BRINP3: variants seen among roughly 807,000 people sequenced by gnomAD.
BRINP3 encodes BMP/retinoic acid inducible neural specific 3, also known as BMP/retinoic acid-inducible neural-specific protein 3.
A neutral mutation model predicts 71.0 loss-of-function variants in BRINP3; 19 were observed. The observed-to-expected ratio is 0.27, with a 90% CI of 0.19 to 0.39. The LOEUF (loss-of-function observed/expected upper bound fraction) is 0.39. BRINP3 is among the 10% of genes least tolerant of loss of function. The pLI, the probability that BRINP3 is intolerant of heterozygous loss-of-function variation, is 1.00. For missense variants in BRINP3, 959 were observed against 940.8 expected (o/e 1.02, Z -0.25); for synonymous variants, 380 against 337.7 (o/e 1.13, Z -1.37).
At chr1:190,448,463 TTGTGTGTGTGTG>T (rs67524700) in intron 2 of BRINP3, among the ~76,000 whole-genome samples, 6 of 125,062 alleles carry the variant, frequency 4.8e-5, no homozygotes, top group Non-Finnish European at 1.1e-4. Context: ...CACTTGGGGT[TTGTGTGTGTGTG>T]TGTGTGTGTG....
At chr1:190,273,031 C>A (rs1040343740) in intron 3 of BRINP3, among the ~76,000 whole-genome samples, 2 of 146,302 alleles carry the variant, frequency 1.4e-5, no homozygotes, top group African/African-American at 4.9e-5. Context: ...GAGAATAGGC[C>A]TTTCTTTCCT....
chr1:190,174,117 T>G (rs961938230), intron 6 of BRINP3, among the ~76,000 whole-genome samples: 1 of 152,190 alleles, frequency 6.6e-6, no homozygotes, highest in South Asian at 2.1e-4. Context: ...TAATCACTTT[T>G]CATGCTTGTA....
At position 190,117,255 on chromosome 1, in the gene BRINP3, C is replaced by T. The variant is rs77043088; in HGVS notation, c.1185-18121G>A. ...TATAAGAAGCTTGTGTCAGTATAAA[C>T]AGAAATGTGCACATAACAATACATA... On this transcript the variant is annotated intron_variant, in intron 7 of 7. Coordinates refer to ENST00000367462, the MANE Select transcript of BRINP3 (RefSeq NM_199051.3). Among the ~76,000 whole-genome samples, 261 of 152,032 alleles carry T rather than the reference C, an allele frequency of 1.7e-3. 9 individuals carry two copies. In the East Asian group the frequency reaches 0.048, roughly 28 times the overall value.
At chr1:190,254,762 A>C (rs1422429889) in intron 4 of BRINP3, among the ~76,000 whole-genome samples, 1 of 152,138 alleles carries the variant, frequency 6.6e-6, no homozygotes, top group Non-Finnish European at 1.5e-5. Flanking sequence ...GATACCATTT[A>C]TTTCTTTCTC....
rs150527335 is a variant in BRINP3, at chr1:190,334,384, T to A, written c.237-52634A>T. Among the ~76,000 whole-genome samples, 828 of 151,950 alleles carry A rather than the reference T, an allele frequency of 5.4e-3. 5 individuals carry two copies. Among genetic ancestry groups the A allele is most frequent in the African/African-American group, 0.018 (757 of 41,530 alleles). On this transcript the variant is annotated intron_variant, in intron 2 of 7. Transcript: ENST00000367462. ...TTTGCAAGTCTTGGCTAAATATGTG[T>A]GAATTTTTTTAAAATGGAAAAATCA...
intron 2 of BRINP3, among the ~76,000 whole-genome samples, chr1:190,350,072 G>A (rs936962559): frequency 1.3e-5 from 2 of 152,036 alleles, no homozygotes; most frequent in African/African-American, 4.8e-5. Flanking sequence ...AGAAAACCAG[G>A]AGGCTTCCAG....
At chr1:190,172,885 T>A (rs946694540) in intron 6 of BRINP3, among the ~76,000 whole-genome samples, 2 of 152,010 alleles carry the variant, frequency 1.3e-5, no homozygotes, top group African/African-American at 4.8e-5. Flanking sequence ...TCCAAATACC[T>A]CCCCAAGGTT....
At chr1:190,186,768 T>A (rs1165690089) in intron 6 of BRINP3, among the ~76,000 whole-genome samples, 1 of 152,110 alleles carries the variant, frequency 6.6e-6, no homozygotes, top group Non-Finnish European at 1.5e-5. Flanking sequence ...ATATAACTTC[T>A]CCAAATTCAG....
intron 2 of BRINP3, among the ~76,000 whole-genome samples, chr1:190,383,183 CTT>C (rs537926742): frequency 6.9e-4 from 105 of 152,050 alleles, no homozygotes; most frequent in Non-Finnish European, 1.2e-3. Context: ...AGTAATGCCT[CTT>C]GTTTTTAAAT....
chr1:190,339,403 TG>T (rs1558195324), intron 2 of BRINP3, among the ~76,000 whole-genome samples: 1 of 152,014 alleles, frequency 6.6e-6, no homozygotes, highest in Non-Finnish European at 1.5e-5. Context: ...CTACAGTATC[TG>T]TACAAGCTGC....
chr1:190,465,632 G>C (rs1009710937), intron 1 of BRINP3, among the ~76,000 whole-genome samples: 1 of 151,706 alleles, frequency 6.6e-6, no homozygotes, highest in Non-Finnish European at 1.5e-5. Context: ...TTTTCTCTTA[G>C]TAATTTTCCA....
intron 2 of BRINP3, among the ~76,000 whole-genome samples, chr1:190,320,487 G>A (rs894859342): frequency 3.3e-5 from 5 of 152,096 alleles, no homozygotes; most frequent in Non-Finnish European, 7.4e-5. Flanking sequence ...TATAATTATC[G>A]TATACTTCAT....
chr1:190,455,958 C>CT (rs1334650518), intron 1 of BRINP3, among the ~76,000 whole-genome samples: 1 of 152,122 alleles, frequency 6.6e-6, no homozygotes, highest in Non-Finnish European at 1.5e-5. Context: ...TCCTCATCAG[C>CT]TTTTCAAACT....
At chr1:190,240,872 CAAAAAAAAAA>C (rs71123078) in intron 4 of BRINP3, among the ~76,000 whole-genome samples, 1 of 38,256 alleles carries the variant, frequency 2.6e-5, no homozygotes, top group African/African-American at 1.1e-4. Flanking sequence ...AACTCTGTCT[CAAAAAAAAAA>C]AAAAAAAAAA....
At chr1:190,186,055 C>T (rs555399902) in intron 6 of BRINP3, among the ~76,000 whole-genome samples, 1 of 151,998 alleles carries the variant, frequency 6.6e-6, no homozygotes, top group African/African-American at 2.4e-5. Context: ...TGTTTGTCAA[C>T]TTGGTCATTT....
At chr1:190,320,922 CTGTG>C (rs1046723366) in intron 2 of BRINP3, among the ~76,000 whole-genome samples, 1 of 151,758 alleles carries the variant, frequency 6.6e-6, no homozygotes, top group Admixed American at 6.6e-5. Flanking sequence ...TGATGTCCTG[CTGTG>C]TGTGTGTTTG....
intron 4 of BRINP3, among the ~76,000 whole-genome samples, chr1:190,249,030 T>C (rs916199508): frequency 6.6e-6 from 1 of 151,954 alleles, no homozygotes; most frequent in African/African-American, 2.4e-5. Context: ...GTGGGATGCC[T>C]CAGAGTATGT....
intron 4 of BRINP3, among the ~76,000 whole-genome samples, chr1:190,248,269 T>A (rs972101281): frequency 2.0e-5 from 3 of 151,952 alleles, no homozygotes; most frequent in East Asian, 3.9e-4. Flanking sequence ...TTGTTTTTTT[T>A]AAATTCATTG....
intron 3 of BRINP3, among the ~76,000 whole-genome samples, chr1:190,274,680 A>G (rs1662398371): frequency 6.6e-6 from 1 of 151,552 alleles, no homozygotes; most frequent in Admixed American, 6.6e-5. Flanking sequence ...TTGAAATTAT[A>G]TTGAGTTTGC....
Sources: gnomAD v4.1 joint callset for allele counts (sites outside exome capture counted in the v4.1 genomes callset) on GRCh38, gnomAD v4.1.1 for gene constraint, MANE v1.5 for transcripts, NCBI Gene and HGNC (gene_info 2026-07-23, HGNC 2026-07-21) for gene names.